ELMOD1: variants seen among roughly 807,000 people sequenced by gnomAD.
ELMOD1 encodes ELMO domain-containing protein 1.
Under a neutral mutation model 46.7 loss-of-function variants are expected in ELMOD1, and 21 were observed. The observed-to-expected ratio is 0.45, with a 90% CI of 0.32 to 0.65. The LOEUF is 0.65. Ranked by LOEUF, ELMOD1 falls within the 30% of genes least tolerant of loss-of-function variation. The pLI is 0.04. For synonymous variants in ELMOD1, 122 were observed against 138.2 expected (o/e 0.88, Z 0.82); for missense variants, 348 against 407.8 (o/e 0.85, Z 1.26).
At chr11:107,647,303 C>CT (rs947563302) in intron 6 of ELMOD1, among the ~76,000 whole-genome samples, 165 bp from the exon 7 acceptor site, 17 of 149,560 alleles carry the variant, frequency 1.1e-4, no homozygotes, top group East Asian at 3.9e-4. Flanking sequence ...ATGATCACAT[C>CT]TTTTTTTTTT....
intron 11 of ELMOD1, among the ~76,000 whole-genome samples, chr11:107,663,069 C>G (rs563842723): frequency 1.3e-5 from 2 of 152,030 alleles, no homozygotes; most frequent in Non-Finnish European, 2.9e-5. Context: ...ATCCAAGGAA[C>G]AAACCGTCAG....
chr11:107,602,876 C>CTG (rs34720102), intron 1 of ELMOD1, among the ~76,000 whole-genome samples: 95,384 of 151,704 alleles, frequency 0.63, 31,388 homozygotes, highest in African/African-American at 0.81. Flanking sequence ...TGTTGACCAT[C>CTG]TTTCACAGTA....
At chr11:107,661,946 A>G (rs1866746426) in intron 11 of ELMOD1, among the ~76,000 whole-genome samples, 1 of 152,220 alleles carries the variant, frequency 6.6e-6, no homozygotes, top group African/African-American at 2.4e-5. Flanking sequence ...ACATTTTTCC[A>G]TACATAGCTA....
intron 6 of ELMOD1, among the ~76,000 whole-genome samples, chr11:107,645,431 C>T (rs1866412260): frequency 1.3e-5 from 2 of 152,268 alleles, no homozygotes; most frequent in East Asian, 3.9e-4. Flanking sequence ...TCAAGCAATT[C>T]TCCTGCCTCA....
At chr11:107,591,855 T>C (rs748782659) in intron 1 of ELMOD1, 11 of 478,392 alleles carry the variant, frequency 2.3e-5, no homozygotes, top group Non-Finnish European at 4.3e-5. Flanking sequence ...AGGGAGGAGC[T>C]AGGCAGCCGG....
At position 107,618,189 on chromosome 11, in the gene ELMOD1, C is replaced by A; in HGVS notation, c.-1C>A. On this transcript the variant is annotated 5_prime_UTR_variant, in exon 2 of 12. Coordinates refer to ENST00000265840, the MANE Select transcript of ELMOD1 (RefSeq NM_018712.4). ...GCATCTGGACAGTCAACACGGGCAC[C>A]ATGAAGCACTTCCTGAGGTATGTGT... 6.4e-7 allele frequency: 1 copy of A among 1,566,996 alleles called. No homozygotes were observed. The highest frequency in any genetic ancestry group is 8.7e-7 in the Non-Finnish European group (1 of 1,154,884).
chr11:107,663,999 C>T (rs1484031846), intron 11 of ELMOD1, among the ~76,000 whole-genome samples: 1 of 151,990 alleles, frequency 6.6e-6, no homozygotes, highest in Non-Finnish European at 1.5e-5. Flanking sequence ...TTCTTTTTCT[C>T]TTTTTGAGAC....
rs181080097 is a variant in ELMOD1, at chr11:107,658,242, G to T, written c.832+2176G>T. On this transcript the variant is annotated intron_variant, in intron 11 of 11. Coordinates refer to ENST00000265840, the MANE Select transcript of ELMOD1 (RefSeq NM_018712.4). ...GAGACTGCTTTTTTTTGTTTTGGGG[G>T]TTTTTTTGGTTTTTCGTTTTTGTAA... Among the ~76,000 whole-genome samples, 1,008 of 152,108 alleles carry T rather than the reference G, an allele frequency of 6.6e-3. 1 individual carries two copies. Among genetic ancestry groups the T allele is most frequent in the Admixed American group, 0.012 (182 of 15,274 alleles).
chr11:107,605,255 A>G (rs903312252), intron 1 of ELMOD1, among the ~76,000 whole-genome samples: 1 of 143,076 alleles, frequency 7.0e-6, no homozygotes, highest in Non-Finnish European at 1.5e-5. Context: ...GCTGGAGTGC[A>G]GTGGCGCAAT....
At position 107,630,291 on chromosome 11, in the gene ELMOD1, T is replaced by C. The variant is rs1465034183; in HGVS notation, c.18-126T>C. ...AAAGTAGCATGGGACTAGAAACATA[T>C]GTTAAGTATAAGGTGATTTTTCTAA... On this transcript the variant is annotated intron_variant, in intron 2 of 11. Transcript: ENST00000265840. 7.9e-6 allele frequency: 6 copies of C among 760,454 alleles called. No individual in the cohort carries two copies. The East Asian group carries it at 8.3e-5, about 10-fold the overall frequency. 47.1% of individuals were successfully genotyped at this position (760,454 alleles called of 1,614,324 possible). A position where few individuals can be genotyped will look rare whatever the true frequency, so the allele number is the denominator to read the frequency against.
chr11:107,643,368 G>GA (rs112788240), intron 6 of ELMOD1: 45,164 of 166,262 alleles, frequency 0.27, 5,708 homozygotes, highest in East Asian at 0.33. Flanking sequence ...CTCCATCTAG[G>GA]AAAAAAAAAA....
intron 6 of ELMOD1, among the ~76,000 whole-genome samples, chr11:107,645,016 G>A (rs1161567600): frequency 6.7e-6 from 1 of 150,240 alleles, no homozygotes; most frequent in Non-Finnish European, 1.5e-5. Flanking sequence ...CTCCGCCTCT[G>A]GGTTCAAGCC....
chr11:107,621,201 C>T (rs1336849655), intron 2 of ELMOD1, among the ~76,000 whole-genome samples: 1 of 152,162 alleles, frequency 6.6e-6, no homozygotes, highest in Non-Finnish European at 1.5e-5. Flanking sequence ...CTGTTCCAGT[C>T]TCAGAATCTC....
At chr11:107,624,391 C>T (rs1438625781) in intron 2 of ELMOD1, among the ~76,000 whole-genome samples, 1 of 152,164 alleles carries the variant, frequency 6.6e-6, no homozygotes, top group Non-Finnish European at 1.5e-5. Context: ...CGGCTCATGC[C>T]TATAATCCTA....
chr11:107,645,021 C>T (rs916213049), intron 6 of ELMOD1, among the ~76,000 whole-genome samples: 1 of 150,502 alleles, frequency 6.6e-6, no homozygotes, highest in Non-Finnish European at 1.5e-5. Flanking sequence ...CCTCTGGGTT[C>T]AAGCCATTCT....
chr11:107,625,399 T>A (rs1356927523), intron 2 of ELMOD1: 21 of 982,710 alleles, frequency 2.1e-5, no homozygotes, highest in Non-Finnish European at 2.5e-5. Context: ...TATTACAGGA[T>A]TTCTTCAAGC....
At chr11:107,627,998 T>A (rs1245760918) in intron 2 of ELMOD1, among the ~76,000 whole-genome samples, 5 of 152,032 alleles carry the variant, frequency 3.3e-5, no homozygotes, top group African/African-American at 1.2e-4. Flanking sequence ...ATAGTATATA[T>A]TAATATGTTA....
chr11:107,623,497 A>G (rs1865988453), intron 2 of ELMOD1: 1 of 152,206 alleles, frequency 6.6e-6, no homozygotes, highest in Non-Finnish European at 1.5e-5. Flanking sequence ...AATAAATGTT[A>G]GTTTGAATTT....
chr11:107,658,783 A>C (rs1339296053), intron 11 of ELMOD1, among the ~76,000 whole-genome samples: 1 of 152,218 alleles, frequency 6.6e-6, no homozygotes, highest in Non-Finnish European at 1.5e-5. Flanking sequence ...AAAAATACAA[A>C]AATTAGCCAG....
Sources: allele counts gnomAD v4.1 joint callset (sites outside exome capture counted in the v4.1 genomes callset), GRCh38; gene constraint gnomAD v4.1.1; transcripts MANE v1.5; gene names NCBI Gene and HGNC (gene_info 2026-07-23, HGNC 2026-07-21).